The following ZNF181 variants were observed in gnomAD, a reference collection of about 807,000 sequenced individuals.
ZNF181 encodes zinc finger protein 181.
ZNF181 carries 8 observed loss-of-function variants against 11.9 expected under a neutral mutation model. The ratio of observed to expected loss-of-function variants is 0.67; its 90% confidence interval spans 0.39 to 1.21. The LOEUF is 1.21. Ranked by LOEUF, ZNF181 falls within the 50% of genes most tolerant of loss-of-function variation. ZNF181 has a pLI of 0.01. For synonymous variants in ZNF181, 202 were observed against 221.1 expected (o/e 0.91, Z 0.77); for missense variants, 542 against 670.9 (o/e 0.81, Z 2.12).
Position 34,741,574 on chromosome 19 carries a change from T to C in ZNF181, c.1193T>C (p.Ile398Thr), listed in dbSNP as rs1427136320. 1.2e-6 allele frequency: 2 copies of C among 1,613,882 alleles called. No homozygotes were observed. The highest frequency in any genetic ancestry group is 2.7e-5 in the African/African-American group (2 of 74,914). Residue 398 changes from isoleucine (I) to threonine (T), a missense_variant, in exon 4 of 4, where the codon ATT becomes ACT. Ile to Thr is a moderately conservative substitution (Grantham distance 89). Coordinates refer to ENST00000492450, the MANE Select transcript of ZNF181 (RefSeq NM_001029997.4). The part of the protein sequence containing the change: ...CSSHLTRHQR[I>T]HTMEKQYECN... ...TCACACCTTACTCGACATCAAAGAA[T>C]TCACACTATGGAGAAACAATATGAA...
In ZNF181 at chr19:34,739,644, A is replaced by G. The variant is rs747085545; in HGVS notation, c.229+23A>G. 14 of 1,613,526 alleles carry G rather than the reference A, an allele frequency of 8.7e-6. No homozygotes were observed. The South Asian group carries it at 1.5e-4, about 18-fold the overall frequency. ...CAGGTGAGTCATGGTGAACGAGACA[A>G]AGGAAGATTTTGTTAAAAAGGGTCC... On this transcript the variant is annotated intron_variant, in intron 3 of 3. Coordinates refer to ENST00000492450, the MANE Select transcript of ZNF181 (RefSeq NM_001029997.4).
chr19:34,741,232 T>G lies in ZNF181; in HGVS notation c.851T>G (p.Leu284Arg). The stretch of plus-strand genomic sequence containing the variant: ...CATGGCTCATCCCTTACACGACATC[T>G]GATAAGCCATAGTGGAGAGAAACCT... ...FSHGSSLTRHLISHSGEKPYK... is the reference protein window; with the variant it reads ...FSHGSSLTRHRISHSGEKPYK... Residue 284 changes from leucine to arginine, a missense_variant, in exon 4 of 4, where the codon CTG becomes CGG. Physicochemically the swap from Leu to Arg is moderately radical, Grantham distance 102. Transcript: ENST00000492450. 1 of 1,614,004 alleles carries G rather than the reference T, an allele frequency of 6.2e-7. No individual in the cohort carries two copies. The highest frequency in any genetic ancestry group is 1.3e-5 in the African/African-American group (1 of 75,022).
rs1385299798 is a variant in ZNF181 at position 34,739,273 on chromosome 19, G to A, written c.130+5G>A. The A allele has an allele frequency of 6.2e-7, 1 of 1,613,548 alleles. No homozygotes were observed. The highest frequency in any genetic ancestry group is 1.3e-5 in the African/African-American group (1 of 74,906). On this transcript the variant is annotated splice_donor_5th_base_variant and intron_variant, in intron 2 of 3. Coordinates refer to ENST00000492450, the MANE Select transcript of ZNF181 (RefSeq NM_001029997.4). ...ATGAGAACCTGGTCTCTGTAGGTAA[G>A]GATATTACCCCTTCCACTCCAGTAG...
In ZNF181 at chr19:34,742,079, C is replaced by A. The variant is rs757306312; in HGVS notation, c.1698C>A (p.Tyr566Ter). 4.5e-6 allele frequency: 7 copies of A among 1,572,414 alleles called. No individual in the cohort carries two copies. The highest frequency in any genetic ancestry group is 5.2e-6 in the Non-Finnish European group (6 of 1,160,960). The change falls in exon 4 of 4, where the codon TAC (tyrosine) becomes TAA (stop). Residue 566 changes from tyrosine to a stop codon, truncating the protein, a stop_gained. Coordinates refer to ENST00000492450, the MANE Select transcript of ZNF181 (RefSeq NM_001029997.4). LOFTEE classifies it high-confidence loss of function. ...ATCACTATACATGTGAGAAATCTTA[C>A]AGAAGAGAAACTGTATGAAGCAGTG... ...YMNHYTCEKS[Y>*]RRETV
At position 34,741,842 on chromosome 19, in the gene ZNF181, A is replaced by G. The variant is rs1398700805; in HGVS notation, c.1461A>G (p.Lys487=). The G allele has an allele frequency of 8.7e-6, 14 of 1,613,962 alleles. No homozygotes were observed. Among genetic ancestry groups the G allele is most frequent in the Non-Finnish European group, 1.2e-5 (14 of 1,179,930 alleles). The change falls in exon 4 of 4, where the codon AAA becomes AAG. Residue 487 remains lysine (K), a synonymous_variant. Transcript: ENST00000492450. ...LQHHRIHTGE[K]PYECIKCGKT... is the part of the protein sequence containing the mutation. Reference sequence around the variant, plus strand: ...ATCACAGAATTCATACTGGAGAGAAACCTTATGAATGTATTAAATGTGGGA... The same window carrying G: ...ATCACAGAATTCATACTGGAGAGAAGCCTTATGAATGTATTAAATGTGGGA...
rs1348446369 is a variant in ZNF181, at chr19:34,745,105, T to TA, written c.*3009dup. On this transcript the variant is annotated 3_prime_UTR_variant, in exon 4 of 4. Transcript: ENST00000492450. ...GGTTGGGCTGATGTCATAATGATGTTATGATGTCACTGACATCATATTATT... is the reference window on the plus strand; with the variant it reads ...GGTTGGGCTGATGTCATAATGATGTTAATGATGTCACTGACATCATATTATT... 9.8e-5 allele frequency: 15 copies of TA among 152,336 alleles called. No individual in the cohort carries two copies. The highest frequency in any genetic ancestry group is 3.6e-4 in the African/African-American group (15 of 41,580). 9.4% of individuals were successfully genotyped at this position (152,336 alleles called of 1,614,324 possible).
Position 34,735,217 on chromosome 19 carries a change from C to T in ZNF181, c.9+171C>T, listed in dbSNP as rs574779558. 3.2e-3 allele frequency among the ~76,000 whole-genome samples: 480 copies of T among 152,310 alleles called. 3 individuals are homozygous for T. The highest frequency in any genetic ancestry group is 0.011 in the African/African-American group (463 of 41,582). ...CAGGAGAGCTCCAAGGTATTATCCT[C>T]CTCACCCAGTGTTCCTCTTTTCTAC... On this transcript the variant is annotated intron_variant, in intron 1 of 3. Transcript: ENST00000492450.
chr19:34,735,314 G>C (rs1465389390), intron 1 of ZNF181, among the ~76,000 whole-genome samples: 4 of 152,208 alleles, frequency 2.6e-5, no homozygotes, highest in Admixed American at 2.6e-4. Flanking sequence ...ACTTTGGAAT[G>C]TAAGGTTATT....
In ZNF181 at chr19:34,734,946, T is replaced by C. The variant is rs558847124; in HGVS notation, c.-92T>C. The C allele has an allele frequency of 1.9e-5, 27 of 1,395,320 alleles. No homozygotes were observed. In the South Asian group the frequency reaches 3.1e-4, roughly 16 times the overall value. 86.4% of individuals were successfully genotyped at this position (1,395,320 alleles called of 1,614,324 possible). A position where few individuals can be genotyped will look rare whatever the true frequency, so the allele number is the denominator to read the frequency against. ...TAAGCCTGATTTTTCATGACTGCTT[T>C]TTCCTGCCCTTCTGTGCCCTCAGGA... On this transcript the variant is annotated 5_prime_UTR_variant, in exon 1 of 4. Transcript: ENST00000492450.
At chr19:34,735,150 C>CTGGA in intron 1 of ZNF181, 104 bp downstream of exon 1, 1 of 1,326,004 alleles carries the variant, frequency 7.5e-7, no homozygotes, top group Non-Finnish European at 1.0e-6. Flanking sequence ...ATTTAAGGGA[C>CTGGA]TGGATCCATG....
chr19:34,740,140 A>G (rs1255860338), intron 3 of ZNF181, among the ~76,000 whole-genome samples: 4 of 152,364 alleles, frequency 2.6e-5, no homozygotes, highest in Middle Eastern at 3.4e-3. Context: ...TGTCAGCTAT[A>G]AAGAGCATTT....
In ZNF181 at chr19:34,740,926, C is replaced by T. The variant is rs772802412; in HGVS notation, c.545C>T (p.Ser182Leu). The change falls in exon 4 of 4, where the codon TCA becomes TTA. Residue 182 changes from serine to leucine, a missense_variant. Coordinates refer to ENST00000492450, the MANE Select transcript of ZNF181 (RefSeq NM_001029997.4). ...EPQKISAEGNSHKYDILKKNL... is the reference protein window; with the variant it reads ...EPQKISAEGNLHKYDILKKNL... ...CAAAAAATTTCTGCTGAAGGGAATTCACACAAATATGATATATTAAAGAAG... is the reference window on the plus strand; with the variant it reads ...CAAAAAATTTCTGCTGAAGGGAATTTACACAAATATGATATATTAAAGAAG... 2 of 1,613,758 alleles carry T rather than the reference C, an allele frequency of 1.2e-6. No homozygotes were observed. Among genetic ancestry groups the T allele is most frequent in the African/African-American group, 1.3e-5 (1 of 74,886 alleles).
chr19:34,739,256 C>T lies in ZNF181; in HGVS notation c.118C>T (p.Leu40=), dbSNP rs2068932310. The T allele has an allele frequency of 6.2e-7, 1 of 1,613,638 alleles. No individual in the cohort carries two copies. Among genetic ancestry groups the T allele is most frequent in the Admixed American group, 1.7e-5 (1 of 60,004 alleles). Residue 40 remains leucine (L), a synonymous_variant, in exon 2 of 4, where the codon CTG becomes TTG. Transcript: ENST00000492450. ...KDVMVQNYEN[L]VSVAGLSVTK... ...TGTGATGGTCCAGAATTATGAGAAC[C>T]TGGTCTCTGTAGGTAAGGATATTAC...
Position 34,741,721 on chromosome 19 carries a change from C to A in ZNF181, c.1340C>A (p.Ser447Ter). The change falls in exon 4 of 4, where the codon TCA (serine) becomes TAA (stop). Residue 447 changes from serine to a stop codon, truncating the protein, a stop_gained. Coordinates refer to ENST00000492450, the MANE Select transcript of ZNF181 (RefSeq NM_001029997.4). LOFTEE classifies it low-confidence loss of function (END_TRUNC). ...AGGAAATCCTTCAACCAGCTTGAAT[C>A]ACTGAATATGCATTTGAGAAATCAC... The part of the protein sequence containing the change: ...KCRKSFNQLE[S>*]LNMHLRNHIR... 1 of 1,613,938 alleles carries A rather than the reference C, an allele frequency of 6.2e-7. No individual in the cohort carries two copies. The highest frequency in any genetic ancestry group is 8.5e-7 in the Non-Finnish European group (1 of 1,179,922).
Position 34,742,494 on chromosome 19 carries a change from G to A in ZNF181, c.*397G>A, listed in dbSNP as rs112163951. On this transcript the variant is annotated 3_prime_UTR_variant, in exon 4 of 4. Transcript: ENST00000492450. Reference sequence around the variant, plus strand: ...ATTCTACAGCAGAGAACTCAAAATGGAGAGAAATCTCATTTAAGAGATGTA... The same window carrying A: ...ATTCTACAGCAGAGAACTCAAAATGAAGAGAAATCTCATTTAAGAGATGTA... 0.012 allele frequency: 1,843 copies of A among 155,984 alleles called. 18 individuals carry two copies. Among genetic ancestry groups the A allele is most frequent in the African/African-American group, 0.042 (1,738 of 41,614 alleles). 9.7% of individuals were successfully genotyped at this position (155,984 alleles called of 1,614,324 possible). A position where few individuals can be genotyped will look rare whatever the true frequency, so the allele number is the denominator to read the frequency against.
rs2069006848 is a variant in ZNF181, at chr19:34,743,317, A to T, written c.*1220A>T. 6.6e-6 allele frequency: 1 copy of T among 152,212 alleles called. No homozygotes were observed. Among genetic ancestry groups the T allele is most frequent in the Non-Finnish European group, 1.5e-5 (1 of 68,024 alleles). The allele number at this position is 152,212 out of a possible 1,614,324, so 9.4% of individuals were successfully genotyped here. A position where few individuals can be genotyped will look rare whatever the true frequency, so the allele number is the denominator to read the frequency against. ...CAAATCTGATCTTTTTCTCGCAGGG[A>T]TGTTATCTGACAAGAAAGATGGATA... On this transcript the variant is annotated 3_prime_UTR_variant, in exon 4 of 4. Coordinates refer to ENST00000492450, the MANE Select transcript of ZNF181 (RefSeq NM_001029997.4).
At chr19:34,736,028 T>A (rs1568481804) in intron 1 of ZNF181, 1 of 679,992 alleles carries the variant, frequency 1.5e-6, no homozygotes, top group East Asian at 2.7e-5. Flanking sequence ...GCTCATTGTC[T>A]GTTCCTGGTG....
At position 34,734,818 on chromosome 19, in the gene ZNF181, C is replaced by T; in HGVS notation, c.-220C>T. ...AGGTGGCACCTGGTAAATGGTTAGC[C>T]CTTGCGGAGAAACACCCTGTTAGTT... On this transcript the variant is annotated 5_prime_UTR_variant, in exon 1 of 4. Transcript: ENST00000492450. 3.7e-6 allele frequency: 2 copies of T among 544,152 alleles called. No individual in the cohort carries two copies. The highest frequency in any genetic ancestry group is 2.7e-5 in the South Asian group (1 of 36,638). 33.7% of individuals were successfully genotyped at this position (544,152 alleles called of 1,614,324 possible).
Position 34,740,844 on chromosome 19 carries a change from T to C in ZNF181, c.463T>C (p.Tyr155His), listed in dbSNP as rs770235021. ...AGAAAGCCCCACTGCAGACAGTGTT[T>C]ACAAATACAATATATTTAGAAGCAC... is the stretch of plus-strand genomic sequence containing the variant. ...SRESPTADSV[Y>H]KYNIFRSTFH... The change falls in exon 4 of 4, where the codon TAC (tyrosine) becomes CAC (histidine). Residue 155 changes from tyrosine to histidine, a missense_variant. By Grantham distance (83) the Tyr-to-His change is moderately conservative. Coordinates refer to ENST00000492450, the MANE Select transcript of ZNF181 (RefSeq NM_001029997.4). 17 of 1,614,028 alleles carry C rather than the reference T, an allele frequency of 1.1e-5. 1 individual carries two copies. In the South Asian group the frequency reaches 1.4e-4, roughly 14 times the overall value.
Sources: allele counts gnomAD v4.1 joint callset (sites outside exome capture counted in the v4.1 genomes callset), GRCh38; gene constraint gnomAD v4.1.1; transcripts MANE v1.5; gene names NCBI Gene and HGNC (gene_info 2026-07-23, HGNC 2026-07-21).